The following GRID2 variants were observed in gnomAD, a reference collection of about 807,000 sequenced individuals.
GRID2 encodes the protein glutamate receptor ionotropic, delta-2.
In GRID2, 33 loss-of-function variants were observed where a neutral mutation model predicts 114.8. That is an observed-to-expected ratio of 0.29 (90% CI 0.22 to 0.38). The LOEUF (loss-of-function observed/expected upper bound fraction) is 0.38. Among genes scored for constraint, GRID2 ranks in the 10% least tolerant of loss-of-function variants. GRID2 has a pLI of 1.00. For missense variants in GRID2, 1,184 were observed against 1,257.7 expected (o/e 0.94, Z 0.89); for synonymous variants, 505 against 449.9 (o/e 1.12, Z -1.55).
chr4:92,715,551 A>G (rs190868855), intron 2 of GRID2, among the ~76,000 whole-genome samples: 5 of 152,290 alleles, frequency 3.3e-5, no homozygotes, highest in Admixed American at 6.5e-5. Context: ...ACAAAAAAAA[A>G]GAGGTTTAAT....
At chr4:93,012,093 A>AC (rs1722234753) in intron 2 of GRID2, among the ~76,000 whole-genome samples, 1 of 151,720 alleles carries the variant, frequency 6.6e-6, no homozygotes, top group African/African-American at 2.4e-5. Context: ...AAAAAAAAAA[A>AC]AAAAACATGT....
chr4:92,659,659 G>A (rs1732424598), intron 2 of GRID2, among the ~76,000 whole-genome samples: 2 of 151,336 alleles, frequency 1.3e-5, no homozygotes, highest in Admixed American at 1.3e-4. Context: ...AATATTTTGG[G>A]ACAAGGATGT....
At chr4:93,112,075 C>T (rs1389243393) in intron 4 of GRID2, 3 of 151,862 alleles carry the variant, frequency 2.0e-5, no homozygotes, top group East Asian at 1.9e-4. Flanking sequence ...AAAATATTTC[C>T]AATTTTAAAG....
At chr4:93,542,297 C>T (rs936695707) in intron 13 of GRID2, among the ~76,000 whole-genome samples, 5 of 152,034 alleles carry the variant, frequency 3.3e-5, no homozygotes, top group African/African-American at 1.2e-4. Context: ...TATCCTGTAC[C>T]CAGCCTTTGA....
chr4:92,597,816 C>T (rs1345680609), intron 2 of GRID2, among the ~76,000 whole-genome samples: 1 of 152,108 alleles, frequency 6.6e-6, no homozygotes, highest in African/African-American at 2.4e-5. Flanking sequence ...GATTAAAAAC[C>T]ACATTTACCT....
intron 1 of GRID2, among the ~76,000 whole-genome samples, chr4:93,801,582 ACTTTCT>A (rs1324367571): frequency 6.6e-6 from 1 of 152,160 alleles, no homozygotes; most frequent in African/African-American, 2.4e-5. Context: ...TTCTATGTAG[ACTTTCT>A]ATTAATAATG....
chr4:93,631,003 G>A (rs1339249147), intron 14 of GRID2, among the ~76,000 whole-genome samples: 1 of 152,104 alleles, frequency 6.6e-6, no homozygotes, highest in African/African-American at 2.4e-5. Context: ...GGTAAATACT[G>A]TTGCTGTCCT....
intron 2 of GRID2, among the ~76,000 whole-genome samples, chr4:93,068,178 G>A (rs901181209): frequency 6.6e-6 from 1 of 151,956 alleles, no homozygotes; most frequent in African/African-American, 2.4e-5. Context: ...GAATCCTTCA[G>A]TTTAAAAAAT....
intron 1 of GRID2, among the ~76,000 whole-genome samples, chr4:92,435,140 T>A (rs1275513523): frequency 6.6e-6 from 1 of 152,162 alleles, no homozygotes; most frequent in African/African-American, 2.4e-5. Flanking sequence ...GGGCACCCCA[T>A]CTGCAGTTTT....
chr4:92,368,135 T>G (rs1250009533), intron 1 of GRID2, among the ~76,000 whole-genome samples: 1 of 151,894 alleles, frequency 6.6e-6, no homozygotes, highest in Non-Finnish European at 1.5e-5. Flanking sequence ...GGTCTCAGAG[T>G]ATGGGTAATA....
intron 8 of GRID2, among the ~76,000 whole-genome samples, chr4:93,296,689 CT>C (rs1387425895): frequency 6.6e-6 from 1 of 152,172 alleles, no homozygotes; most frequent in Non-Finnish European, 1.5e-5. Flanking sequence ...AACCAAACCA[CT>C]TATGGTAGGT....
Position 92,939,055 on chromosome 4 carries a change from T to C in GRID2, c.245-145940T>C, listed in dbSNP as rs2149531880. Among the ~76,000 whole-genome samples, 2 of 147,330 alleles carry C rather than the reference T, an allele frequency of 1.4e-5. 1 individual carries two copies. Among genetic ancestry groups the C allele is most frequent in the East Asian group, 4.3e-4 (2 of 4,676 alleles). On this transcript the variant is annotated intron_variant, in intron 2 of 15. Coordinates refer to ENST00000282020, the MANE Select transcript of GRID2 (RefSeq NM_001510.4). ...TGTGGGTGTCTTTATAGCAGCATGA[T>C]TTATAATCTTTTGGGGATATACCCA... is the stretch of plus-strand genomic sequence containing the variant.
chr4:93,626,017 G>A (rs1236340176), intron 13 of GRID2, among the ~76,000 whole-genome samples: 2 of 152,194 alleles, frequency 1.3e-5, no homozygotes, highest in African/African-American at 4.8e-5. Flanking sequence ...CATGATTTAA[G>A]TATACTGGAG....
Position 92,698,320 on chromosome 4 carries a change from T to C in GRID2, c.244+108034T>C, listed in dbSNP as rs146758361. On this transcript the variant is annotated intron_variant, in intron 2 of 15. Coordinates refer to ENST00000282020, the MANE Select transcript of GRID2 (RefSeq NM_001510.4). ...AGTAAAGTCCACTAAAGCAGCTCTC[T>C]TGATCTGAATGGAAAACTTATTTGT... Among the ~76,000 whole-genome samples, 1,006 of 152,288 alleles carry C rather than the reference T, an allele frequency of 6.6e-3. 7 individuals carry two copies. The highest frequency in any genetic ancestry group is 0.024 in the African/African-American group (977 of 41,574).
At chr4:93,695,036 T>C (rs1726891409) in intron 14 of GRID2, among the ~76,000 whole-genome samples, 1 of 151,864 alleles carries the variant, frequency 6.6e-6, no homozygotes, top group Non-Finnish European at 1.5e-5. Flanking sequence ...CCCGGCATGG[T>C]GGCGGGCGCC....
intron 2 of GRID2, among the ~76,000 whole-genome samples, chr4:92,948,997 C>T (rs1751842290): frequency 2.7e-5 from 4 of 150,460 alleles, no homozygotes; most frequent in South Asian, 4.2e-4. Context: ...TGTGTGGGCT[C>T]GTGTGGGTTT....
intron 4 of GRID2, among the ~76,000 whole-genome samples, chr4:93,187,921 A>G (rs1470333151): frequency 6.6e-6 from 1 of 152,232 alleles, no homozygotes; most frequent in Non-Finnish European, 1.5e-5. Context: ...ACACTGGGTC[A>G]AGCATCGGGC....
At chr4:92,633,936 A>G (rs1407545735) in intron 2 of GRID2, among the ~76,000 whole-genome samples, 5 of 151,952 alleles carry the variant, frequency 3.3e-5, no homozygotes, top group Non-Finnish European at 5.9e-5. Context: ...TACTTTCACA[A>G]AAGAGAGGAA....
chr4:93,326,981 CT>C (rs1757904210), intron 8 of GRID2, among the ~76,000 whole-genome samples: 1 of 151,940 alleles, frequency 6.6e-6, no homozygotes, highest in Non-Finnish European at 1.5e-5. Flanking sequence ...ACATTTTTTT[CT>C]TTTTATATTT....
Sources: allele counts gnomAD v4.1 joint callset (sites outside exome capture counted in the v4.1 genomes callset), GRCh38; gene constraint gnomAD v4.1.1; transcripts MANE v1.5; gene names NCBI Gene and HGNC (gene_info 2026-07-23, HGNC 2026-07-21).